The following CMC1 variants were observed in gnomAD, a reference collection of about 807,000 sequenced individuals.
The protein encoded by CMC1 is COX assembly mitochondrial protein homolog.
In CMC1, 14 loss-of-function variants were observed where a neutral mutation model predicts 14.1. The ratio of observed to expected loss-of-function variants is 0.99; its 90% confidence interval spans 0.66 to 1.55. CMC1 has a LOEUF of 1.55. Ranked by LOEUF, CMC1 falls within the 40% of genes most tolerant of loss-of-function variation. The pLI, the probability that CMC1 is intolerant of heterozygous loss-of-function variation, is 0.00. For synonymous variants in CMC1, 50 were observed against 38.4 expected (o/e 1.30, Z -1.12); for missense variants, 127 against 123.8 (o/e 1.03, Z -0.12).
chr3:28,319,398 TA>T, intron 3 of CMC1, 110 bp from the exon 4 acceptor site: 1 of 987,472 alleles, frequency 1.0e-6, no homozygotes, highest in Non-Finnish European at 1.6e-6. Flanking sequence ...AGTGTACTTC[TA>T]AAGATTGAGC....
intron 1 of CMC1, among the ~76,000 whole-genome samples, chr3:28,249,198 C>G (rs1048227048): frequency 6.6e-6 from 1 of 152,190 alleles, no homozygotes; most frequent in Non-Finnish European, 1.5e-5. Flanking sequence ...GAGATTCTTA[C>G]AGATCAAAAG....
At chr3:28,242,194 G>C (rs184211268) in intron 1 of CMC1, among the ~76,000 whole-genome samples, 2 of 152,282 alleles carry the variant, frequency 1.3e-5, no homozygotes, top group East Asian at 3.9e-4. Context: ...TTCTGTTTGG[G>C]AGTTCATGGA....
chr3:28,300,746 C>T lies in CMC1; in HGVS notation c.110-15587C>T, dbSNP rs1702000534. On this transcript the variant is annotated intron_variant, in intron 2 of 3. Transcript: ENST00000466830. ...CCTCCCTCTCTCCCTGCCTTCCTTCCTTCCTTCCTTTTTTTTTCATAATAT... is the reference window on the plus strand; with the variant it reads ...CCTCCCTCTCTCCCTGCCTTCCTTCTTTCCTTCCTTTTTTTTTCATAATAT... Among the ~76,000 whole-genome samples the T allele has an allele frequency of 1.4e-5, 2 of 145,876 alleles. 1 individual carries two copies. Among genetic ancestry groups the T allele is most frequent in the South Asian group, 4.4e-4 (2 of 4,544 alleles).
In CMC1 at chr3:28,323,992, C is replaced by T; in HGVS notation, c.*4363C>T. On this transcript the variant is annotated 3_prime_UTR_variant, in exon 4 of 4. Transcript: ENST00000466830. ...TTGTTAAATAATTTCTTGGGAGGAC[C>T]ACTGAAAGAGATAAGTGTCCTCATG... is the stretch of plus-strand genomic sequence containing the variant. The T allele has an allele frequency of 1.3e-6, 2 of 1,512,248 alleles. No individual in the cohort carries two copies. Among genetic ancestry groups the T allele is most frequent in the Non-Finnish European group, 1.8e-6 (2 of 1,119,050 alleles). The allele number at this position is 1,512,248 out of a possible 1,614,324, so 93.7% of individuals were successfully genotyped here.
chr3:28,280,941 A>G (rs572799002), intron 2 of CMC1, among the ~76,000 whole-genome samples: 2 of 152,320 alleles, frequency 1.3e-5, no homozygotes, highest in African/African-American at 2.4e-5. Flanking sequence ...AGCCATGCTC[A>G]TTTACTTATG....
chr3:28,298,881 C>CA (rs1285346634), intron 2 of CMC1, among the ~76,000 whole-genome samples: 2 of 150,634 alleles, frequency 1.3e-5, no homozygotes, highest in African/African-American at 5.0e-5. Context: ...TGTTTTTAAG[C>CA]ACCTGCATGC....
At chr3:28,259,799 A>G (rs1274238337) in intron 1 of CMC1, among the ~76,000 whole-genome samples, 2 of 152,170 alleles carry the variant, frequency 1.3e-5, no homozygotes, top group African/African-American at 4.8e-5. Flanking sequence ...AGTTGATACA[A>G]TACTGTTAAC....
At chr3:28,312,413 T>C (rs1490002955) in intron 2 of CMC1, among the ~76,000 whole-genome samples, 1 of 152,232 alleles carries the variant, frequency 6.6e-6, no homozygotes, top group East Asian at 1.9e-4. Flanking sequence ...TCTCAGTGAA[T>C]GCTTTAGTTC....
At chr3:28,254,984 A>G (rs1009418736) in intron 1 of CMC1, among the ~76,000 whole-genome samples, 2 of 152,176 alleles carry the variant, frequency 1.3e-5, no homozygotes, top group South Asian at 4.1e-4. Context: ...ACTCTACAAG[A>G]TGTGTCACAC....
chr3:28,290,835 A>G (rs1701434230), intron 2 of CMC1, among the ~76,000 whole-genome samples: 1 of 152,028 alleles, frequency 6.6e-6, no homozygotes, highest in Admixed American at 6.6e-5. Flanking sequence ...AAAAGAGCAC[A>G]TATTTATTAA....
At position 28,324,124 on chromosome 3, in the gene CMC1, TTA is replaced by T. The variant is rs965616632; in HGVS notation, c.*4496_*4497del. ...GTTGGGTAAAGGCAAAGTTTTAGTT[TTA>T]GTTTCCCCAAATGCTGTCTCACTTG... On this transcript the variant is annotated 3_prime_UTR_variant, in exon 4 of 4. Transcript: ENST00000466830. 1.2e-6 allele frequency: 2 copies of T among 1,610,392 alleles called. No individual in the cohort carries two copies. The highest frequency in any genetic ancestry group is 1.7e-6 in the Non-Finnish European group (2 of 1,177,554).
chr3:28,273,704 A>G (rs1700416147), intron 2 of CMC1, among the ~76,000 whole-genome samples: 1 of 152,148 alleles, frequency 6.6e-6, no homozygotes, highest in Non-Finnish European at 1.5e-5. Flanking sequence ...TTGGGGTGTT[A>G]AAGTCACTCA....
At chr3:28,276,084 G>A (rs1468510227) in intron 2 of CMC1, among the ~76,000 whole-genome samples, 9 of 152,156 alleles carry the variant, frequency 5.9e-5, no homozygotes, top group Middle Eastern at 3.4e-3. Context: ...CCCTCTCCCC[G>A]GGAACTCAGT....
At position 28,304,452 on chromosome 3, in the gene CMC1, TA is replaced by T. The variant is rs1396662389; in HGVS notation, c.110-11879del. On this transcript the variant is annotated intron_variant, in intron 2 of 3. Transcript: ENST00000466830. Reference sequence around the variant, plus strand: ...AAAGCTATGTTTAATGCATCACACATAAGAAGTAAGGATTTTTATCTGTTCT... The same window carrying T: ...AAAGCTATGTTTAATGCATCACACATAGAAGTAAGGATTTTTATCTGTTCT... Among the ~76,000 whole-genome samples the T allele has an allele frequency of 2.0e-4, 30 of 152,166 alleles. No individual in the cohort carries two copies. The South Asian group carries it at 6.2e-3, about 32-fold the overall frequency.
At chr3:28,295,844 G>A (rs902593614) in intron 2 of CMC1, among the ~76,000 whole-genome samples, 2 of 152,154 alleles carry the variant, frequency 1.3e-5, no homozygotes, top group Non-Finnish European at 2.9e-5. Flanking sequence ...TCTGTGTTTG[G>A]CTGTGGATAT....
intron 2 of CMC1, among the ~76,000 whole-genome samples, chr3:28,270,687 C>G (rs946132306): frequency 1.3e-5 from 2 of 151,304 alleles, no homozygotes; most frequent in African/African-American, 4.9e-5. Flanking sequence ...AAAATTTTCT[C>G]CCATTCTTTA....
Position 28,323,964 on chromosome 3 carries a change from A to C in CMC1, c.*4335A>C. On this transcript the variant is annotated 3_prime_UTR_variant, in exon 4 of 4. Transcript: ENST00000466830. ...AAAATTTTAATCAAAATCTCCTTTC[A>C]GTTTGTTAAATAATTTCTTGGGAGG... 1 of 1,451,328 alleles carries C rather than the reference A, an allele frequency of 6.9e-7. No homozygotes were observed. The allele number at this position is 1,451,328 out of a possible 1,614,324, so 89.9% of individuals were successfully genotyped here.
intron 1 of CMC1, among the ~76,000 whole-genome samples, chr3:28,248,619 T>A (rs1371328122): frequency 2.0e-5 from 3 of 152,348 alleles, no homozygotes; most frequent in Non-Finnish European, 4.4e-5. Context: ...GTATCTTTTT[T>A]AATTTTTTGT....
chr3:28,275,480 C>T (rs542813780), intron 2 of CMC1, among the ~76,000 whole-genome samples: 8 of 151,876 alleles, frequency 5.3e-5, no homozygotes, highest in Admixed American at 2.6e-4. Flanking sequence ...AAGATGGCTG[C>T]CTGCTTCTTC....
Sources: allele counts gnomAD v4.1 joint callset (sites outside exome capture counted in the v4.1 genomes callset), GRCh38; gene constraint gnomAD v4.1.1; transcripts MANE v1.5; gene names NCBI Gene and HGNC (gene_info 2026-07-23, HGNC 2026-07-21).